Variants in MBP observed in about 807,000 individuals in gnomAD.
The protein encoded by MBP is Golli-MBP.
MBP carries 16 observed loss-of-function variants against 35.8 expected under a neutral mutation model. That is an observed-to-expected ratio of 0.45 (90% CI 0.30 to 0.68). The LOEUF (loss-of-function observed/expected upper bound fraction) is 0.68, where lower values mean the gene tolerates loss of function less well. MBP is among the 30% of genes least tolerant of loss of function. MBP has a pLI of 0.08. For missense variants in MBP, 380 were observed against 404.7 expected (o/e 0.94, Z 0.52); for synonymous variants, 143 against 159.6 (o/e 0.90, Z 0.78).
chr18:77,048,501 C>T (rs2144676951), intron 3 of MBP, among the ~76,000 whole-genome samples: 1 of 152,252 alleles, frequency 6.6e-6, no homozygotes, highest in East Asian at 1.9e-4. Flanking sequence ...TGGAGTCTCG[C>T]TCTGTCGCCC....
chr18:77,035,555 T>G (rs1972731351), intron 3 of MBP, among the ~76,000 whole-genome samples: 1 of 152,308 alleles, frequency 6.6e-6, no homozygotes, highest in Non-Finnish European at 1.5e-5. Context: ...GAAACGTGCA[T>G]CACTCATGCA....
At chr18:77,052,972 G>T (rs1973563481) in intron 3 of MBP, among the ~76,000 whole-genome samples, 1 of 152,242 alleles carries the variant, frequency 6.6e-6, no homozygotes, top group African/African-American at 2.4e-5. Flanking sequence ...GAACATGGGT[G>T]TGAGTCCACG....
intron 2 of MBP, among the ~76,000 whole-genome samples, chr18:77,091,204 C>A (rs1255108041): frequency 6.6e-6 from 1 of 152,194 alleles, no homozygotes; most frequent in African/African-American, 2.4e-5. Context: ...ATCTACACTG[C>A]ACTTATCCTA....
chr18:77,030,274 C>T (rs774604176), intron 3 of MBP, among the ~76,000 whole-genome samples: 1 of 152,044 alleles, frequency 6.6e-6, no homozygotes, highest in Non-Finnish European at 1.5e-5. Flanking sequence ...ATACAGTATC[C>T]GAGGCAGAAA....
chr18:77,022,817 TAAG>T (rs1025598177), intron 3 of MBP, among the ~76,000 whole-genome samples: 7 of 152,230 alleles, frequency 4.6e-5, no homozygotes, highest in African/African-American at 7.2e-5. Context: ...TCCCAACACA[TAAG>T]AAGTATGCGA....
intron 3 of MBP, chr18:77,017,563 C>T (rs150451435): frequency 6.4e-5 from 18 of 281,120 alleles, no homozygotes; most frequent in African/African-American, 3.5e-4. Flanking sequence ...GCCACATCAG[C>T]GTTTCTTCCC....
At chr18:77,069,520 T>C (rs145411345) in intron 2 of MBP, among the ~76,000 whole-genome samples, 1 of 151,794 alleles carries the variant, frequency 6.6e-6, no homozygotes, top group East Asian at 2.0e-4. Context: ...GGGACACCAC[T>C]AGGACCAGTA....
In MBP at chr18:77,101,196, T is replaced by TC. The variant is rs1215490202; in HGVS notation, c.51+4014dup. 6.6e-6 allele frequency among the ~76,000 whole-genome samples: 1 copy of TC among 152,124 alleles called. No individual in the cohort carries two copies. The highest frequency in any genetic ancestry group is 1.9e-4 in the East Asian group (1 of 5,196). On this transcript the variant is annotated intron_variant, in intron 2 of 8. Transcript: ENST00000355994. The surrounding 1 kb of genome is among the most constrained non-coding windows in gnomAD (Gnocchi z 4.3). The stretch of plus-strand genomic sequence containing the variant: ...GTGGGTGGGTCTTGCCCCCTGCCCC[T>TC]CTCCTGGCATTGAGGCACGTCCCTG...
chr18:77,101,305 CAG>C lies in MBP; in HGVS notation c.51+3904_51+3905del, dbSNP rs1348637325. ...GATGGAGAACCAAATACAAAATGGG[CAG>C]AGTGATAGAAAGCTGGTAAATTAGT... On this transcript the variant is annotated intron_variant, in intron 2 of 8. Transcript: ENST00000355994. This position sits in a 1 kb window ranked among gnomAD's most constrained non-coding sequence, Gnocchi z 4.3. Among the ~76,000 whole-genome samples, 1 of 152,196 alleles carries C rather than the reference CAG, an allele frequency of 6.6e-6. No homozygotes were observed.
chr18:77,052,283 G>C (rs1001709193), intron 3 of MBP, among the ~76,000 whole-genome samples: 1 of 152,166 alleles, frequency 6.6e-6, no homozygotes, highest in Non-Finnish European at 1.5e-5. Flanking sequence ...TTTCAAATTG[G>C]GGATCCAAGA....
rs913628046 is a variant in MBP, at chr18:77,102,748, A to T, written c.51+2463T>A. Among the ~76,000 whole-genome samples the T allele has an allele frequency of 1.3e-5, 2 of 152,232 alleles. No homozygotes were observed. The highest frequency in any genetic ancestry group is 2.9e-5 in the Non-Finnish European group (2 of 68,036). ...CCACAGAGAGGTTTCTTGAAACTGG[A>T]GTTGCAAATCAGTCATTCTAAGACT... is the stretch of plus-strand genomic sequence containing the variant. On this transcript the variant is annotated intron_variant, in intron 2 of 8. Coordinates refer to ENST00000355994, the MANE Select transcript of MBP (RefSeq NM_001025101.2). The surrounding 1 kb of genome is among the most constrained non-coding windows in gnomAD (Gnocchi z 4.4).
intron 2 of MBP, among the ~76,000 whole-genome samples, chr18:77,083,301 G>T (rs553398897): frequency 9.2e-5 from 14 of 152,158 alleles, no homozygotes; most frequent in Non-Finnish European, 2.1e-4. Context: ...ATGAGTAAAG[G>T]TTCAGTAAAT....
At chr18:77,035,483 C>T (rs769592150) in intron 3 of MBP, among the ~76,000 whole-genome samples, 2 of 152,238 alleles carry the variant, frequency 1.3e-5, no homozygotes, top group South Asian at 2.1e-4. Context: ...CATCTGTCCA[C>T]GTCTCCATTA....
intron 3 of MBP, among the ~76,000 whole-genome samples, chr18:77,025,473 A>G (rs1306184273): frequency 2.0e-5 from 3 of 152,046 alleles, no homozygotes; most frequent in Non-Finnish European, 4.4e-5. Flanking sequence ...ACTGTTAAAC[A>G]TGAACAAAAG....
intron 3 of MBP, among the ~76,000 whole-genome samples, chr18:77,042,655 G>A (rs1473174364): frequency 1.3e-5 from 2 of 152,160 alleles, no homozygotes; most frequent in Non-Finnish European, 2.9e-5. Context: ...AGAGCTGTAC[G>A]CAGCACTTAC....
intron 4 of MBP, among the ~76,000 whole-genome samples, chr18:77,009,326 C>T (rs761215219): frequency 3.3e-5 from 5 of 152,246 alleles, no homozygotes; most frequent in Non-Finnish European, 5.9e-5. Flanking sequence ...CTATGCAGAG[C>T]CCAGCTGAGC....
intron 2 of MBP, among the ~76,000 whole-genome samples, chr18:77,083,064 C>G (rs1674715): frequency 0.67 from 101,987 of 151,760 alleles, 34,510 homozygotes; most frequent in East Asian, 0.81. Flanking sequence ...AACTCCACCT[C>G]CTGGATTTGA....
intron 2 of MBP, among the ~76,000 whole-genome samples, chr18:77,099,866 C>T (rs145713551): frequency 1.3e-5 from 2 of 152,232 alleles, no homozygotes; most frequent in African/African-American, 4.8e-5. Context: ...CCAGGGTCTG[C>T]AGAAGGGAAA....
Position 76,979,964 on chromosome 18 carries a change from A to G in MBP, c.*463T>C. The G allele has an allele frequency of 1.4e-6, 1 of 702,618 alleles. No individual in the cohort carries two copies. The highest frequency in any genetic ancestry group is 2.6e-6 in the Non-Finnish European group (1 of 385,010). 43.5% of individuals were successfully genotyped at this position (702,618 alleles called of 1,614,324 possible). A position where few individuals can be genotyped will look rare whatever the true frequency, so the allele number is the denominator to read the frequency against. On this transcript the variant is annotated 3_prime_UTR_variant, in exon 9 of 9. Coordinates refer to ENST00000355994, the MANE Select transcript of MBP (RefSeq NM_001025101.2). ...TTAGGAGGTGAGAGAAGGACAGGAA[A>G]AAAAAACAAAGGAAGCTTGGATGTC...
Sources: gnomAD v4.1 joint callset for allele counts (sites outside exome capture counted in the v4.1 genomes callset) on GRCh38, gnomAD v4.1.1 for gene constraint, Gnocchi (gnomAD v3.1) non-coding constraint, MANE v1.5 for transcripts, NCBI Gene and HGNC (gene_info 2026-07-23, HGNC 2026-07-21) for gene names.